The following KATNA1 variants were observed in gnomAD, a reference collection of about 807,000 sequenced individuals.
KATNA1 encodes the protein katanin catalytic subunit A1, also known as katanin p60 ATPase-containing subunit A1.
Under a neutral mutation model 62.6 loss-of-function variants are expected in KATNA1, and 42 were observed. That is an observed-to-expected ratio of 0.67 (90% CI 0.52 to 0.87). KATNA1 has a LOEUF of 0.87. Among genes scored for constraint, KATNA1 ranks in the 40% least tolerant of loss-of-function variants. The pLI, the probability that KATNA1 is intolerant of heterozygous loss-of-function variation, is 0.00. For missense variants in KATNA1, 498 were observed against 612.5 expected (o/e 0.81, Z 1.97); for synonymous variants, 186 against 201.9 (o/e 0.92, Z 0.67).
intron 4 of KATNA1, among the ~76,000 whole-genome samples, chr6:149,618,967 C>T (rs961169814): frequency 5.3e-5 from 8 of 152,092 alleles, no homozygotes; most frequent in Non-Finnish European, 1.0e-4. Flanking sequence ...AAAAGCAAAA[C>T]TAAACAAATG....
chr6:149,619,477 G>T (rs766500448), intron 4 of KATNA1, among the ~76,000 whole-genome samples: 1 of 152,120 alleles, frequency 6.6e-6, no homozygotes, highest in Admixed American at 6.6e-5. Context: ...GCTAGGCGTG[G>T]TAGCGTGTGC....
chr6:149,623,159 C>T lies in KATNA1; in HGVS notation c.445G>A (p.Gly149Arg). The T allele has an allele frequency of 6.2e-7, 1 of 1,612,406 alleles. No individual in the cohort carries two copies. Residue 149 changes from glycine to arginine, a missense_variant, in exon 4 of 11, where the codon GGG (glycine) becomes AGG (arginine). Physicochemically the swap from Gly to Arg is moderately radical, Grantham distance 125. Around this residue, in one of 3 missense-constraint regions of KATNA1, gnomAD observed 203 missense variants for 198.4 expected, o/e 1.02. Transcript: ENST00000367411. Reference sequence around the variant, plus strand: ...TTTTCACGACAACGAACAGCTTTCCCTCTGTCATTGTGAACATTCTGTGCA... The same window carrying T: ...TTTTCACGACAACGAACAGCTTTCCTTCTGTCATTGTGAACATTCTGTGCA... ...SSAQNVHNDR[G>R]KAVRCREKKE...
chr6:149,606,116 T>C (rs948275747), intron 4 of KATNA1, among the ~76,000 whole-genome samples: 4 of 152,054 alleles, frequency 2.6e-5, no homozygotes, highest in African/African-American at 4.8e-5. Flanking sequence ...TGATAAGATG[T>C]ACAGAGAGAA....
chr6:149,617,120 A>G (rs905424330), intron 4 of KATNA1, among the ~76,000 whole-genome samples: 3 of 152,238 alleles, frequency 2.0e-5, no homozygotes, highest in African/African-American at 7.2e-5. Context: ...TCATAGAGAA[A>G]CAGAATGGTG....
chr6:149,642,674 C>T (rs1365188664), intron 1 of KATNA1, among the ~76,000 whole-genome samples: 1 of 152,122 alleles, frequency 6.6e-6, no homozygotes, highest in African/African-American at 2.4e-5. Flanking sequence ...AGGTCTCAGA[C>T]ATAGAACAAG....
At position 149,646,625 on chromosome 6, in the gene KATNA1, T is replaced by G. The variant is rs148378184; in HGVS notation, c.-14+1844A>C. Among the ~76,000 whole-genome samples the G allele has an allele frequency of 7.9e-3, 1,209 of 152,244 alleles. 15 individuals are homozygous for G. Among genetic ancestry groups the G allele is most frequent in the African/African-American group, 0.028 (1,143 of 41,534 alleles). ...TTATAACCATCATATGATAAATACTTAAGCACAAGAAAGTTACCACTATTT... is the reference window on the plus strand; with the variant it reads ...TTATAACCATCATATGATAAATACTGAAGCACAAGAAAGTTACCACTATTT... On this transcript the variant is annotated intron_variant, in intron 1 of 10. Transcript: ENST00000367411.
intron 3 of KATNA1, among the ~76,000 whole-genome samples, chr6:149,630,813 A>G (rs1376564911): frequency 2.0e-5 from 3 of 152,122 alleles, no homozygotes; most frequent in Non-Finnish European, 4.4e-5. Flanking sequence ...TCTGGGAGTG[A>G]TGCCCCTAAA....
At chr6:149,596,091 T>G (rs748462214) in intron 10 of KATNA1, among the ~76,000 whole-genome samples, 1 of 152,180 alleles carries the variant, frequency 6.6e-6, no homozygotes, top group Non-Finnish European at 1.5e-5. Flanking sequence ...AATTACTGAT[T>G]TTCTATTTTA....
At chr6:149,597,360 T>A (rs1321373627) in intron 9 of KATNA1, 147 bp downstream of exon 9, 1 of 1,163,264 alleles carries the variant, frequency 8.6e-7, no homozygotes, top group Non-Finnish European at 1.2e-6. Flanking sequence ...CTATTTAGTA[T>A]TAAGGCATAT....
intron 3 of KATNA1, among the ~76,000 whole-genome samples, chr6:149,632,048 A>G (rs1779860370): frequency 6.6e-6 from 1 of 152,182 alleles, no homozygotes; most frequent in Admixed American, 6.5e-5. Context: ...GTATTCTGTG[A>G]TCCCTGTTTG....
At chr6:149,647,592 T>C (rs1780540048) in intron 1 of KATNA1, among the ~76,000 whole-genome samples, 1 of 149,654 alleles carries the variant, frequency 6.7e-6, no homozygotes, top group Non-Finnish European at 1.5e-5. Flanking sequence ...GGCTTTATAC[T>C]GAGACATTTA....
chr6:149,648,056 C>T (rs1308008035), intron 1 of KATNA1, among the ~76,000 whole-genome samples: 1 of 152,282 alleles, frequency 6.6e-6, no homozygotes, highest in African/African-American at 2.4e-5. Context: ...AACAATATCA[C>T]TCGAACCTAA....
chr6:149,635,675 C>T (rs1780039135), intron 2 of KATNA1, among the ~76,000 whole-genome samples: 1 of 152,022 alleles, frequency 6.6e-6, no homozygotes, highest in Admixed American at 6.6e-5. Flanking sequence ...CGCCACTGCA[C>T]TACAGCCTGG....
chr6:149,624,481 A>C (rs1779527984), intron 3 of KATNA1, among the ~76,000 whole-genome samples: 2 of 151,994 alleles, frequency 1.3e-5, no homozygotes, highest in Admixed American at 1.3e-4. Flanking sequence ...TCCCAAGCTC[A>C]AGCAATCCTC....
At chr6:149,632,136 GT>G (rs1173172527) in intron 3 of KATNA1, among the ~76,000 whole-genome samples, 1 of 152,130 alleles carries the variant, frequency 6.6e-6, no homozygotes, top group African/African-American at 2.4e-5. Context: ...GCTCAGGCCT[GT>G]AATCCCAGCA....
At chr6:149,598,066 A>G (rs1778395759) in intron 8 of KATNA1, 158 bp downstream of exon 8, 4 of 710,264 alleles carry the variant, frequency 5.6e-6, no homozygotes, top group Non-Finnish European at 9.1e-6. Context: ...TACTATCACT[A>G]TCAGGAACTT....
At chr6:149,639,184 A>C (rs1780190506) in intron 1 of KATNA1, among the ~76,000 whole-genome samples, 1 of 152,090 alleles carries the variant, frequency 6.6e-6, no homozygotes, top group African/African-American at 2.4e-5. Flanking sequence ...CTATAGTCCC[A>C]GCTACTTGGG....
chr6:149,641,208 A>C (rs1780271171), intron 1 of KATNA1, among the ~76,000 whole-genome samples: 8 of 114,550 alleles, frequency 7.0e-5, no homozygotes, highest in Admixed American at 3.7e-4. Flanking sequence ...ATGGAGTCTC[A>C]CTCTGTCACC....
chr6:149,607,455 T>C (rs1778785102), intron 4 of KATNA1, among the ~76,000 whole-genome samples: 2 of 151,942 alleles, frequency 1.3e-5, no homozygotes, highest in African/African-American at 4.8e-5. Context: ...CTACTAAAAA[T>C]ACAAAAATAT....
Sources: gnomAD v4.1 joint callset for allele counts (sites outside exome capture counted in the v4.1 genomes callset) on GRCh38, gnomAD v4.1.1 for gene constraint, gnomAD v4.1.1 regional missense constraint, MANE v1.5 for transcripts, NCBI Gene and HGNC (gene_info 2026-07-23, HGNC 2026-07-21) for gene names.